Variants in TUBB8 observed in about 807,000 individuals in gnomAD.
TUBB8 encodes the protein tubulin beta 8 class VIII.
A neutral mutation model predicts 33.7 loss-of-function variants in TUBB8; 25 were observed. That is an observed-to-expected ratio of 0.74 (90% CI 0.54 to 1.04). TUBB8 has a LOEUF of 1.04. Among genes scored for constraint, TUBB8 ranks in the 50% least tolerant of loss-of-function variants. The pLI, the probability that TUBB8 is intolerant of heterozygous loss-of-function variation, is 0.00. For synonymous variants in TUBB8, 245 were observed against 240.1 expected, an observed-to-expected ratio of 1.02 and a Z score of -0.19; for missense variants, 279 against 608.0, an observed-to-expected ratio of 0.46 and a Z score of 5.69.
At chr10:72,625 G>A (rs556783722) in intron 1 of TUBB8, among the ~76,000 whole-genome samples, 3 of 150,728 alleles carry the variant, frequency 2.0e-5, no homozygotes, top group African/African-American at 4.9e-5. Flanking sequence ...AGGCCAAGGC[G>A]GGTGGCCACG....
chr10:49,717 T>C, upstream of TUBB8: 1 of 386,728 alleles, frequency 2.6e-6, no homozygotes, highest in Non-Finnish European at 5.1e-6. Flanking sequence ...AGGACTCAAT[T>C]ATACGTTTTA....
intron 1 of TUBB8, among the ~76,000 whole-genome samples, chr10:68,170 G>A (rs144504019): frequency 0.11 from 11,427 of 107,862 alleles, no homozygotes; most frequent in African/African-American, 0.23. Flanking sequence ...AACATATCAC[G>A]GCATATCGTA....
intron 1 of TUBB8, among the ~76,000 whole-genome samples, chr10:72,751 G>C (rs1834754456): frequency 6.6e-6 from 1 of 151,108 alleles, no homozygotes; most frequent in Non-Finnish European, 1.5e-5. Flanking sequence ...TCTTGGGGAG[G>C]CTGAGACAGA....
intron 1 of TUBB8, among the ~76,000 whole-genome samples, chr10:71,489 C>T (rs1457705169): frequency 2.0e-5 from 3 of 151,464 alleles, no homozygotes; most frequent in Admixed American, 6.6e-5. Context: ...CAAAATTAGC[C>T]GCATGCCTGT....
chr10:52,322 G>A (rs184384099), upstream of TUBB8, among the ~76,000 whole-genome samples: 746 of 152,236 alleles, frequency 4.9e-3, 2 homozygotes, highest in African/African-American at 0.017. Flanking sequence ...GTCTTGTCTT[G>A]GTGTCCCTTC....
chr10:47,372 G>C lies in TUBB8; in HGVS notation c.1020C>G (p.Tyr340Ter), dbSNP rs1554738054. The C allele has an allele frequency of 1.9e-6, 3 of 1,612,790 alleles. No individual in the cohort carries two copies. The highest frequency in any genetic ancestry group is 2.5e-6 in the Non-Finnish European group (3 of 1,179,960). ...CGTTGTTGGGGAGCCAGTCAGCAAAGTAACTGCTGTTCTTATCTTGAATGT... is the reference window on the plus strand; with the variant it reads ...CGTTGTTGGGGAGCCAGTCAGCAAACTAACTGCTGTTCTTATCTTGAATGT... ...MFNIQDKNSS[Y>*]FADWLPNNVK... The change falls in exon 4 of 4, where the codon TAC becomes TAG. Residue 340 changes from tyrosine (Y) to a stop codon, truncating the protein, a stop_gained. Transcript: ENST00000568584. LOFTEE classifies it high-confidence loss of function.
intron 1 of TUBB8, among the ~76,000 whole-genome samples, chr10:59,346 A>C (rs1165118628): frequency 6.6e-6 from 1 of 151,984 alleles, no homozygotes; most frequent in Non-Finnish European, 1.5e-5. Context: ...CCACCACTGC[A>C]CCCGGCTAAT....
chr10:63,339 G>A (rs188278453), intron 1 of TUBB8, among the ~76,000 whole-genome samples: 202 of 152,350 alleles, frequency 1.3e-3, no homozygotes, highest in African/African-American at 4.6e-3. Flanking sequence ...GCCTCCCAAA[G>A]TGCTGGGATT....
intron 1 of TUBB8, among the ~76,000 whole-genome samples, chr10:73,491 A>C (rs1834764521): frequency 6.6e-6 from 1 of 152,232 alleles, no homozygotes; most frequent in Non-Finnish European, 1.5e-5. Flanking sequence ...TAAAAATACA[A>C]AATTAGCCGG....
upstream of TUBB8, chr10:49,350 G>A (rs1289798152): frequency 6.2e-6 from 7 of 1,120,446 alleles, no homozygotes; most frequent in Non-Finnish European, 9.2e-6. Flanking sequence ...ACCTCCCTCC[G>A]CCTCGGATTC....
chr10:75,340 C>T (rs1194926503), upstream of TUBB8, among the ~76,000 whole-genome samples: 1 of 149,936 alleles, frequency 6.7e-6, no homozygotes, highest in South Asian at 2.1e-4. Flanking sequence ...CAGAGCAAGA[C>T]CTTCTCTCTT....
intron 1 of TUBB8, among the ~76,000 whole-genome samples, chr10:55,928 C>T (rs1834524864): frequency 2.0e-5 from 3 of 152,110 alleles, no homozygotes; most frequent in Non-Finnish European, 4.4e-5. Context: ...GGGATTCCTC[C>T]AGTTTTGGTT....
At chr10:62,309 AAC>A (rs782644217) in intron 1 of TUBB8, among the ~76,000 whole-genome samples, 36 of 152,388 alleles carry the variant, frequency 2.4e-4, no homozygotes, top group Non-Finnish European at 4.4e-4. Context: ...AATATCTTAT[AAC>A]ACATCATTTT....
intron 1 of TUBB8, among the ~76,000 whole-genome samples, chr10:60,070 T>G (rs1420450697): frequency 1.3e-5 from 2 of 152,210 alleles, no homozygotes; most frequent in African/African-American, 4.8e-5. Flanking sequence ...AAAATCAACT[T>G]TTTGTTTCAT....
rs782680460 is a variant in TUBB8 at position 48,743 on chromosome 10, G to A, written c.167-18C>T. ...CCTGCCACCTGCGTGGGGCGGGAGG[G>A]CATGAGCGAGGGGAGGGCCGCGTTC... On this transcript the variant is annotated intron_variant, in intron 2 of 3. Coordinates refer to ENST00000568584, the MANE Select transcript of TUBB8 (RefSeq NM_177987.3). The A allele has an allele frequency of 1.9e-6, 3 of 1,606,340 alleles. No homozygotes were observed. In the African/African-American group the frequency reaches 4.0e-5, roughly 21 times the overall value.
chr10:64,290 A>G (rs61840120), intron 1 of TUBB8, among the ~76,000 whole-genome samples: 2 of 68,060 alleles, frequency 2.9e-5, no homozygotes, highest in Non-Finnish European at 4.5e-5. Flanking sequence ...CCTAGCCCTA[A>G]CCCTAACCCT....
chr10:64,284 GCCCTAA>G (rs368666031), intron 1 of TUBB8, among the ~76,000 whole-genome samples: 39,819 of 149,760 alleles, frequency 0.27, 5,752 homozygotes, highest in Non-Finnish European at 0.35. Flanking sequence ...CCTAGCCCTA[GCCCTAA>G]CCCTAACCCT....
At chr10:76,320 C>T (rs1253132494), upstream of TUBB8, among the ~76,000 whole-genome samples, 20 of 152,284 alleles carry the variant, frequency 1.3e-4, no homozygotes, top group African/African-American at 4.6e-4. Context: ...CGGTAACCGG[C>T]ATCTTGTCCT....
At chr10:72,008 T>G (rs1834742694) in intron 1 of TUBB8, among the ~76,000 whole-genome samples, 1 of 151,964 alleles carries the variant, frequency 6.6e-6, no homozygotes, top group South Asian at 2.1e-4. Flanking sequence ...GGTGGATCAC[T>G]TGAGGTCAGG....
Sources: allele counts gnomAD v4.1 joint callset (sites outside exome capture counted in the v4.1 genomes callset), GRCh38; gene constraint gnomAD v4.1.1; transcripts MANE v1.5; gene names NCBI Gene and HGNC (gene_info 2026-07-23, HGNC 2026-07-21).